DLGAP2: variants seen among roughly 807,000 people sequenced by gnomAD.
DLGAP2 encodes the protein DLG associated protein 2.
A neutral mutation model predicts 100.3 loss-of-function variants in DLGAP2; 26 were observed. That is an observed-to-expected ratio of 0.26 (90% CI 0.19 to 0.36). The LOEUF (loss-of-function observed/expected upper bound fraction) is 0.36. Ranked by LOEUF, DLGAP2 falls within the 10% of genes least tolerant of loss-of-function variation. The pLI, the probability that DLGAP2 is intolerant of heterozygous loss-of-function variation, is 1.00. For synonymous variants in DLGAP2, 886 were observed against 630.1 expected (o/e 1.41, Z -6.08); for missense variants, 1,858 against 1,453.2 (o/e 1.28, Z -4.53).
intron 3 of DLGAP2, among the ~76,000 whole-genome samples, chr8:1,290,889 A>G (rs1050580682): frequency 6.6e-6 from 1 of 152,226 alleles, no homozygotes; most frequent in Non-Finnish European, 1.5e-5. Context: ...CATGAAATTT[A>G]CTACTGAACT....
intron 2 of DLGAP2, among the ~76,000 whole-genome samples, chr8:1,134,001 C>T (rs892697406): frequency 6.6e-6 from 1 of 152,210 alleles, no homozygotes. Context: ...CTCCTCCCCC[C>T]TCCACCTCCC....
At chr8:1,044,781 A>G (rs1299025159) in intron 2 of DLGAP2, among the ~76,000 whole-genome samples, 1 of 152,180 alleles carries the variant, frequency 6.6e-6, no homozygotes, top group African/African-American at 2.4e-5. Flanking sequence ...TCGCTATGGA[A>G]GAGCTACCCC....
chr8:1,530,312 A>C (rs1016345628), intron 4 of DLGAP2, among the ~76,000 whole-genome samples: 2 of 152,066 alleles, frequency 1.3e-5, no homozygotes, highest in Non-Finnish European at 2.9e-5. Flanking sequence ...GAATTCAGCG[A>C]TATTTCTCCC....
intron 2 of DLGAP2, among the ~76,000 whole-genome samples, chr8:1,057,124 C>T (rs1802905199): frequency 6.6e-6 from 1 of 152,200 alleles, no homozygotes; most frequent in African/African-American, 2.4e-5. Context: ...CAGAGTTTTA[C>T]CTTTGAAACC....
chr8:1,323,397 A>G (rs1800950533), intron 3 of DLGAP2, among the ~76,000 whole-genome samples: 1 of 152,204 alleles, frequency 6.6e-6, no homozygotes, highest in Non-Finnish European at 1.5e-5. Flanking sequence ...AAAGGTGGTT[A>G]AACCGCTTCT....
At chr8:1,495,133 G>C (rs746007171) in intron 3 of DLGAP2, among the ~76,000 whole-genome samples, 2 of 152,178 alleles carry the variant, frequency 1.3e-5, no homozygotes, top group Non-Finnish European at 2.9e-5. Context: ...AAGATCAGAC[G>C]GGGGCCAGCG....
chr8:1,467,485 G>A (rs929827968), intron 3 of DLGAP2, among the ~76,000 whole-genome samples: 6 of 151,944 alleles, frequency 3.9e-5, no homozygotes, highest in African/African-American at 1.5e-4. Flanking sequence ...TGAAGGCAGG[G>A]ACTCCGTGAC....
intron 8 of DLGAP2, among the ~76,000 whole-genome samples, chr8:1,663,164 C>A (rs1321725221): frequency 1.0e-5 from 1 of 99,124 alleles, no homozygotes; most frequent in African/African-American, 4.0e-5. Context: ...GGGATGTGTG[C>A]CTGTGTGTAC....
chr8:1,268,934 G>T (rs934481049), intron 3 of DLGAP2, among the ~76,000 whole-genome samples: 1 of 152,186 alleles, frequency 6.6e-6, no homozygotes, highest in African/African-American at 2.4e-5. Flanking sequence ...GCCAACGGCA[G>T]TGGAACCCTC....
At chr8:1,039,516 G>GCGTGGT (rs1802240993) in intron 2 of DLGAP2, among the ~76,000 whole-genome samples, 1 of 130,360 alleles carries the variant, frequency 7.7e-6, no homozygotes, top group Admixed American at 8.1e-5. Context: ...GGCTCGGTGT[G>GCGTGGT]CATGTTCAGC....
intron 3 of DLGAP2, among the ~76,000 whole-genome samples, chr8:1,286,324 T>C (rs1294456687): frequency 1.3e-5 from 2 of 152,326 alleles, no homozygotes; most frequent in East Asian, 3.9e-4. Flanking sequence ...ACTTTATAAA[T>C]CACCCAGTTT....
At chr8:1,276,442 G>A (rs1011536853) in intron 3 of DLGAP2, among the ~76,000 whole-genome samples, 4 of 152,242 alleles carry the variant, frequency 2.6e-5, no homozygotes, top group South Asian at 2.1e-4. Context: ...AGTGGGTGCC[G>A]GGGAGGGAAG....
intron 1 of DLGAP2, among the ~76,000 whole-genome samples, chr8:897,836 G>A (rs1584872545): frequency 2.6e-5 from 4 of 152,260 alleles, no homozygotes; most frequent in Admixed American, 1.3e-4. Context: ...CTCTCCGTGC[G>A]GGGTTGGCTC....
intron 1 of DLGAP2, among the ~76,000 whole-genome samples, chr8:784,930 G>A (rs545548216): frequency 7.3e-5 from 11 of 151,546 alleles, no homozygotes; most frequent in Non-Finnish European, 1.2e-4. Context: ...CGTCCTGGCT[G>A]GGCACGGTGG....
chr8:1,418,625 A>T (rs1377653470), intron 3 of DLGAP2, among the ~76,000 whole-genome samples: 1 of 152,176 alleles, frequency 6.6e-6, no homozygotes, highest in Non-Finnish European at 1.5e-5. Flanking sequence ...TTCCTTCTCG[A>T]CACCAAATGC....
At chr8:1,265,505 TAAA>T (rs1438454776) in intron 3 of DLGAP2, among the ~76,000 whole-genome samples, 1 of 151,966 alleles carries the variant, frequency 6.6e-6, no homozygotes, top group African/African-American at 2.4e-5. Flanking sequence ...AATGAGAAAT[TAAA>T]AAAGAATGGG....
At chr8:900,945 T>C (rs1469974211) in intron 1 of DLGAP2, among the ~76,000 whole-genome samples, 2 of 152,042 alleles carry the variant, frequency 1.3e-5, no homozygotes, top group Non-Finnish European at 2.9e-5. Context: ...CTTCCAAAAG[T>C]GGAAGGATAT....
At chr8:1,595,622 G>T (rs1796429991) in intron 6 of DLGAP2, among the ~76,000 whole-genome samples, 1 of 143,812 alleles carries the variant, frequency 7.0e-6, no homozygotes, top group Non-Finnish European at 1.6e-5. Flanking sequence ...AGCCGAGATT[G>T]CGCCACTGCA....
intron 3 of DLGAP2, among the ~76,000 whole-genome samples, chr8:1,385,999 C>G (rs1329611913): frequency 1.3e-5 from 2 of 152,236 alleles, no homozygotes; most frequent in East Asian, 3.9e-4. Flanking sequence ...GAGCAATTCC[C>G]AGGCAAGAGC....
Sources: allele counts gnomAD v4.1 joint callset (sites outside exome capture counted in the v4.1 genomes callset), GRCh38; gene constraint gnomAD v4.1.1; transcripts MANE v1.5; gene names NCBI Gene and HGNC (gene_info 2026-07-23, HGNC 2026-07-21).